RIMBP2: variants seen among roughly 807,000 people sequenced by gnomAD.
RIMBP2 encodes RIMS-binding protein 2.
Under a neutral mutation model 118.6 loss-of-function variants are expected in RIMBP2, and 48 were observed. The observed-to-expected ratio is 0.40, with a 90% confidence interval of 0.32 to 0.51. RIMBP2 has a LOEUF of 0.51. Among genes scored for constraint, RIMBP2 ranks in the 20% least tolerant of loss-of-function variants. RIMBP2 has a pLI of 0.41. For synonymous variants in RIMBP2, 762 were observed against 742.9 expected (o/e 1.03, Z -0.42); for missense variants, 1,551 against 1,768.3 (o/e 0.88, Z 2.20).
chr12:130,621,166 G>C lies in RIMBP2; in HGVS notation c.-217+7156C>G. Among the ~76,000 whole-genome samples, 1 of 152,116 alleles carries C rather than the reference G, an allele frequency of 6.6e-6. No homozygotes were observed. Among genetic ancestry groups the C allele is most frequent in the East Asian group, 1.9e-4 (1 of 5,172 alleles). The stretch of plus-strand genomic sequence containing the variant: ...GACCTTAGGTGAGTTGGAAACCCTT[G>C]AGTTCAGTCACCAGGCTCTGGAGAT... On this transcript the variant is annotated intron_variant, in intron 2 of 22. Coordinates refer to ENST00000690449, the MANE Select transcript of RIMBP2 (RefSeq NM_001393629.1). The surrounding 1 kb of genome is among the most constrained non-coding windows in gnomAD (Gnocchi z 6.6).
At chr12:130,438,343 C>CCCA in intron 12 of RIMBP2, 22 bp downstream of exon 12, 1 of 1,431,040 alleles carries the variant, frequency 7.0e-7, no homozygotes, top group Non-Finnish European at 9.8e-7. Context: ...AAACCCTCCC[C>CCCA]ACCCACCCAA....
chr12:130,453,161 G>C (rs1342354749), intron 7 of RIMBP2, among the ~76,000 whole-genome samples: 1 of 152,204 alleles, frequency 6.6e-6, no homozygotes, highest in Non-Finnish European at 1.5e-5. Flanking sequence ...GAGAGGCCAC[G>C]CCTCTCCCCA....
intron 4 of RIMBP2, among the ~76,000 whole-genome samples, chr12:130,504,581 G>T (rs1009174394): frequency 1.3e-5 from 2 of 152,144 alleles, no homozygotes; most frequent in Non-Finnish European, 2.9e-5. Context: ...TCTCCCCAAA[G>T]CTCAGAAAGG....
At position 130,578,192 on chromosome 12, in the gene RIMBP2, T is replaced by TG. The variant is rs957136486; in HGVS notation, c.-217+50129dup. Among the ~76,000 whole-genome samples, 11 of 152,204 alleles carry TG rather than the reference T, an allele frequency of 7.2e-5. No homozygotes were observed. The highest frequency in any genetic ancestry group is 2.4e-4 in the African/African-American group (10 of 41,460). On this transcript the variant is annotated intron_variant, in intron 2 of 22. Coordinates refer to ENST00000690449, the MANE Select transcript of RIMBP2 (RefSeq NM_001393629.1). The surrounding 1 kb of genome is among the most constrained non-coding windows in gnomAD (Gnocchi z 4.1). Reference sequence around the variant, plus strand: ...AGGCTTGGAAGCTGATGAGGAGGCATGGGTCAGGGCCTGAGCTGGGGCAGA... The same window carrying TG: ...AGGCTTGGAAGCTGATGAGGAGGCATGGGGTCAGGGCCTGAGCTGGGGCAGA...
At chr12:130,659,548 G>A (rs992085746) in intron 1 of RIMBP2, among the ~76,000 whole-genome samples, 6 of 147,688 alleles carry the variant, frequency 4.1e-5, no homozygotes, top group East Asian at 2.1e-4. Flanking sequence ...CAGCCTGAGC[G>A]ACAGAGCGAG....
rs1006438867 is a variant in RIMBP2 at position 130,688,537 on chromosome 12, G to A, written c.-352+27685C>T. Among the ~76,000 whole-genome samples, 2 of 152,144 alleles carry A rather than the reference G, an allele frequency of 1.3e-5. No individual in the cohort carries two copies. The highest frequency in any genetic ancestry group is 2.1e-4 in the South Asian group (1 of 4,810). On this transcript the variant is annotated intron_variant, in intron 1 of 22. Transcript: ENST00000690449. This position sits in a 1 kb window ranked among gnomAD's most constrained non-coding sequence, Gnocchi z 4.7. ...CCAAGAGCTCCCCCAAGCATGAGTC[G>A]TCTTCACCCCTCCATCCGTTACCCC...
chr12:130,702,297 A>C (rs567349492), intron 1 of RIMBP2, among the ~76,000 whole-genome samples: 1 of 152,104 alleles, frequency 6.6e-6, no homozygotes, highest in Non-Finnish European at 1.5e-5. Flanking sequence ...TGGGTGGATC[A>C]CCTGAGGTCG....
At chr12:130,490,789 G>A (rs537121818) in intron 4 of RIMBP2, among the ~76,000 whole-genome samples, 1 of 152,328 alleles carries the variant, frequency 6.6e-6, no homozygotes, top group South Asian at 2.1e-4. Flanking sequence ...GGGGGCTGCA[G>A]TAAACCCCTC....
chr12:130,643,016 G>A (rs1014801149), intron 1 of RIMBP2, among the ~76,000 whole-genome samples: 2 of 152,200 alleles, frequency 1.3e-5, no homozygotes, highest in Non-Finnish European at 2.9e-5. Context: ...GTCTCGGACT[G>A]GACACATTCC....
chr12:130,646,036 C>T (rs1481472746), intron 1 of RIMBP2, among the ~76,000 whole-genome samples: 1 of 151,954 alleles, frequency 6.6e-6, no homozygotes, highest in Non-Finnish European at 1.5e-5. Flanking sequence ...GTGCGGCAGC[C>T]AGTTCCCTCT....
At chr12:130,682,727 A>C (rs2064854980) in intron 1 of RIMBP2, among the ~76,000 whole-genome samples, 1 of 152,232 alleles carries the variant, frequency 6.6e-6, no homozygotes, top group Non-Finnish European at 1.5e-5. Context: ...CCAGTCACTC[A>C]GGCATTAGGA....
chr12:130,610,148 G>A (rs967935891), intron 2 of RIMBP2, among the ~76,000 whole-genome samples: 4 of 150,494 alleles, frequency 2.7e-5, no homozygotes, highest in African/African-American at 1.0e-4. Flanking sequence ...GGGGGAAAAT[G>A]GGAAGCCTGC....
At chr12:130,614,236 C>T (rs912937960) in intron 2 of RIMBP2, among the ~76,000 whole-genome samples, 3 of 152,188 alleles carry the variant, frequency 2.0e-5, no homozygotes, top group African/African-American at 4.8e-5. Context: ...ACAGAAGTTA[C>T]TTACGGCCAA....
chr12:130,473,525 G>A (rs965982792), intron 5 of RIMBP2, among the ~76,000 whole-genome samples: 10 of 152,260 alleles, frequency 6.6e-5, no homozygotes, highest in African/African-American at 9.6e-5. Flanking sequence ...CAGAGCAATA[G>A]GCCGTCCAGG....
chr12:130,399,871 G>T (rs576965749), intron 21 of RIMBP2, 58 bp from the exon 22 acceptor site: 8 of 1,587,782 alleles, frequency 5.0e-6, no homozygotes, highest in African/African-American at 1.3e-5. Flanking sequence ...CCCACATCTT[G>T]CTTTGGCTAA....
chr12:130,654,380 G>T (rs572194362), intron 1 of RIMBP2, among the ~76,000 whole-genome samples: 2 of 152,278 alleles, frequency 1.3e-5, no homozygotes, highest in Admixed American at 1.3e-4. Context: ...ATGCAGCCAG[G>T]TTCTTTGCTT....
At chr12:130,493,261 T>C (rs1025736220) in intron 4 of RIMBP2, among the ~76,000 whole-genome samples, 11 of 152,176 alleles carry the variant, frequency 7.2e-5, no homozygotes, top group African/African-American at 1.4e-4. Flanking sequence ...CCCATTTTCA[T>C]TATTTGATCT....
chr12:130,602,923 C>T (rs542067100), intron 2 of RIMBP2, among the ~76,000 whole-genome samples: 1 of 152,110 alleles, frequency 6.6e-6, no homozygotes, highest in Non-Finnish European at 1.5e-5. Flanking sequence ...TAACACACCC[C>T]CTCCCGGAAG....
At chr12:130,561,899 T>A (rs2056848607) in intron 2 of RIMBP2, among the ~76,000 whole-genome samples, 1 of 152,208 alleles carries the variant, frequency 6.6e-6, no homozygotes, top group Non-Finnish European at 1.5e-5. Flanking sequence ...TAAATTTATC[T>A]GAATTTATCT....
Sources: gnomAD v4.1 joint callset for allele counts (sites outside exome capture counted in the v4.1 genomes callset) on GRCh38, gnomAD v4.1.1 for gene constraint, Gnocchi (gnomAD v3.1) non-coding constraint, MANE v1.5 for transcripts, NCBI Gene and HGNC (gene_info 2026-07-23, HGNC 2026-07-21) for gene names.